Variants in SEC24B observed in about 807,000 individuals in gnomAD.
The protein encoded by SEC24B is protein transport protein Sec24B.
A neutral mutation model predicts 142.8 loss-of-function variants in SEC24B; 45 were observed. The ratio of observed to expected loss-of-function variants is 0.32; its 90% CI spans 0.25 to 0.40. The LOEUF is 0.40. SEC24B is among the 10% of genes least tolerant of loss of function. SEC24B has a pLI of 1.00. For missense variants in SEC24B, 1,409 were observed against 1,526.8 expected (o/e 0.92, Z 1.29); for synonymous variants, 574 against 568.2 (o/e 1.01, Z -0.15).
At chr4:109,443,482 C>T (rs1186811873) in intron 1 of SEC24B, among the ~76,000 whole-genome samples, 1 of 152,106 alleles carries the variant, frequency 6.6e-6, no homozygotes, top group African/African-American at 2.4e-5. Context: ...GCTCAAGTGA[C>T]CCTCCAACCT....
In SEC24B at chr4:109,511,917, G is replaced by C. The variant is rs1338144475; in HGVS notation, c.1777-40G>C. On this transcript the variant is annotated intron_variant, in intron 8 of 23. Coordinates refer to ENST00000265175, the MANE Select transcript of SEC24B (RefSeq NM_006323.5). ...TGTGTACGTTCTGTTTTTCCTTGGG[G>C]TGCCTTTTTCTGCTACAGCTTCTTT... 5 of 1,603,296 alleles carry C rather than the reference G, an allele frequency of 3.1e-6. No homozygotes were observed. In the African/African-American group the frequency reaches 6.8e-5, roughly 22 times the overall value.
At chr4:109,434,061 G>T in intron 1 of SEC24B, 59 bp downstream of exon 1, 1 of 1,016,874 alleles carries the variant, frequency 9.8e-7, no homozygotes, top group Non-Finnish European at 1.2e-6. Context: ...GGCCTGCACG[G>T]CCACATCGGG....
At chr4:109,500,512 C>A (rs1217992218) in intron 6 of SEC24B, among the ~76,000 whole-genome samples, 1 of 147,980 alleles carries the variant, frequency 6.8e-6, no homozygotes, top group Non-Finnish European at 1.5e-5. Context: ...GCAGTGCACA[C>A]CAGCCTGGGC....
chr4:109,448,947 TC>T (rs912286669), intron 1 of SEC24B, among the ~76,000 whole-genome samples: 3 of 152,010 alleles, frequency 2.0e-5, no homozygotes, highest in African/African-American at 4.8e-5. Context: ...TTTTTTTTTT[TC>T]CAATGACTTC....
rs752892020 is a variant in SEC24B, at chr4:109,526,298, A to G, written c.2864A>G (p.Asn955Ser). The change falls in exon 17 of 24, where the codon AAT becomes AGT. Residue 955 changes from asparagine to serine, a missense_variant. Transcript: ENST00000265175. ...STDLLSLANI[N>S]PDAGFAVQLS... ...GATTTGTTATCCCTTGCCAACATCAATCCTGATGCTGGATTTGCGGTGCAG... is the reference window on the plus strand; with the variant it reads ...GATTTGTTATCCCTTGCCAACATCAGTCCTGATGCTGGATTTGCGGTGCAG... 37 of 1,613,732 alleles carry G rather than the reference A, an allele frequency of 2.3e-5. No homozygotes were observed. The Admixed American group carries it at 3.0e-4, about 13-fold the overall frequency.
intron 1 of SEC24B, among the ~76,000 whole-genome samples, chr4:109,456,940 G>A (rs1310502019): frequency 1.3e-5 from 2 of 152,200 alleles, no homozygotes; most frequent in East Asian, 1.9e-4. Context: ...ATGTGTGAGT[G>A]CATGGTGGTG....
chr4:109,484,035 G>T (rs962843456), intron 4 of SEC24B, among the ~76,000 whole-genome samples: 2 of 152,176 alleles, frequency 1.3e-5, no homozygotes, highest in African/African-American at 2.4e-5. Flanking sequence ...AAGAAATAGA[G>T]CATTGATGCA....
intron 19 of SEC24B, among the ~76,000 whole-genome samples, chr4:109,531,030 C>G (rs1724876604): frequency 6.6e-6 from 1 of 152,022 alleles, no homozygotes; most frequent in Admixed American, 6.6e-5. Flanking sequence ...GCAGTCATAG[C>G]TCACTCTTAA....
Position 109,494,814 on chromosome 4 carries a change from G to T in SEC24B, c.1446G>T (p.Gln482His), listed in dbSNP as rs1735373570. The change falls in exon 6 of 24, where the codon CAG becomes CAT. Residue 482 changes from glutamine to histidine, a missense_variant. Transcript: ENST00000265175. ...CAGCACCACTTATTTCTGGAGTACAGCCCAGTAACCCGGTATATTCTGGAT... is the reference window on the plus strand; with the variant it reads ...CAGCACCACTTATTTCTGGAGTACATCCCAGTAACCCGGTATATTCTGGAT... The part of the protein sequence containing the change: ...NATAPLISGV[Q>H]PSNPVYSGFQ... 2 of 1,613,992 alleles carry T rather than the reference G, an allele frequency of 1.2e-6. No individual in the cohort carries two copies. The highest frequency in any genetic ancestry group is 4.5e-5 in the East Asian group (2 of 44,878).
Position 109,538,570 on chromosome 4 carries a change from A to G in SEC24B, c.3666A>G (p.Pro1222=). 1.2e-6 allele frequency: 2 copies of G among 1,606,952 alleles called. No individual in the cohort carries two copies. Among genetic ancestry groups the G allele is most frequent in the East Asian group, 2.2e-5 (1 of 44,784 alleles). Reference sequence around the variant, plus strand: ...TAACTTGGCTTAGAGACAGCAGACCATTAAGTCCAATCCTTCACATAGTAA... The same window carrying G: ...TAACTTGGCTTAGAGACAGCAGACCGTTAAGTCCAATCCTTCACATAGTAA... The part of the protein sequence containing the change: ...SFITWLRDSR[P]LSPILHIVKD... The change falls in exon 23 of 24, where the codon CCA becomes CCG. Residue 1222 remains proline (P), a synonymous_variant. Coordinates refer to ENST00000265175, the MANE Select transcript of SEC24B (RefSeq NM_006323.5).
chr4:109,533,964 A>G (rs912816020), intron 22 of SEC24B, among the ~76,000 whole-genome samples: 18 of 152,058 alleles, frequency 1.2e-4, no homozygotes, highest in African/African-American at 4.1e-4. Context: ...ATAAATGGTA[A>G]TATGTGGCCT....
rs1561182312 is a variant in SEC24B at position 109,527,440 on chromosome 4, A to G, written c.3076+8A>G. 1 of 1,564,676 alleles carries G rather than the reference A, an allele frequency of 6.4e-7. No individual in the cohort carries two copies. The highest frequency in any genetic ancestry group is 2.2e-5 in the East Asian group (1 of 44,574). ...GCCTTCTGGCAAACATGGGTGAGTA[A>G]AAATTGAAGGAACATGTGAAATGTA... On this transcript the variant is annotated splice_region_variant and intron_variant, in intron 18 of 23. Transcript: ENST00000265175.
At chr4:109,453,440 G>GGCCCC (rs1730322674) in intron 1 of SEC24B, among the ~76,000 whole-genome samples, 1 of 41,078 alleles carries the variant, frequency 2.4e-5, no homozygotes, top group Non-Finnish European at 4.4e-5. Context: ...GCCATTTTAG[G>GGCCCC]CCCCCCCCCC....
chr4:109,433,824 C>T lies in SEC24B; in HGVS notation c.-46C>T. ...TCTCCGGCCCCGCCTTCCCTTCCCT[C>T]CGCCCACCTCCCTGAAGCGGAGCCG... On this transcript the variant is annotated 5_prime_UTR_variant, in exon 1 of 24. Coordinates refer to ENST00000265175, the MANE Select transcript of SEC24B (RefSeq NM_006323.5). 5 of 1,238,400 alleles carry T rather than the reference C, an allele frequency of 4.0e-6. No individual in the cohort carries two copies. Among genetic ancestry groups the T allele is most frequent in the Non-Finnish European group, 5.1e-6 (5 of 988,278 alleles). 76.7% of individuals were successfully genotyped at this position (1,238,400 alleles called of 1,614,324 possible).
chr4:109,485,753 T>C (rs1734288851), intron 4 of SEC24B, among the ~76,000 whole-genome samples: 1 of 152,224 alleles, frequency 6.6e-6, no homozygotes, highest in African/African-American at 2.4e-5. Context: ...CTGAAATTGG[T>C]GTGGGAATTA....
At chr4:109,481,957 C>T (rs767638696) in intron 4 of SEC24B, among the ~76,000 whole-genome samples, 176 bp downstream of exon 4, 6 of 152,120 alleles carry the variant, frequency 3.9e-5, no homozygotes, top group Non-Finnish European at 7.4e-5. Flanking sequence ...TTTGTTTTTC[C>T]TCCTTTAGGC....
intron 20 of SEC24B, 29 bp downstream of exon 20, chr4:109,531,551 TA>T (rs1561188801): frequency 6.6e-7 from 1 of 1,520,008 alleles, no homozygotes; most frequent in Non-Finnish European, 9.1e-7. Flanking sequence ...TTGAAATGTT[TA>T]AATTTGAATA....
chr4:109,525,592 A>G (rs1724136923), intron 16 of SEC24B, 88 bp downstream of exon 16: 2 of 821,224 alleles, frequency 2.4e-6, no homozygotes, highest in Non-Finnish European at 3.6e-6. Flanking sequence ...CTGACTGTTC[A>G]TGATGGAAGA....
At chr4:109,468,127 AC>A (rs10706780) in intron 2 of SEC24B, among the ~76,000 whole-genome samples, 16,761 of 152,194 alleles carry the variant, frequency 0.11, 3,058 homozygotes, top group African/African-American at 0.38. Context: ...AATAAATTAG[AC>A]AACCACATTG....
Sources: allele counts gnomAD v4.1 joint callset (sites outside exome capture counted in the v4.1 genomes callset), GRCh38; gene constraint gnomAD v4.1.1; transcripts MANE v1.5; gene names NCBI Gene and HGNC (gene_info 2026-07-23, HGNC 2026-07-21).